MYT1L: variants seen among roughly 807,000 people sequenced by gnomAD.
The protein encoded by MYT1L is myelin transcription factor 1-like protein.
MYT1L carries 12 observed loss-of-function variants against 126.7 expected under a neutral mutation model. The observed-to-expected ratio is 0.09, with a 90% CI of 0.06 to 0.15. The LOEUF (loss-of-function observed/expected upper bound fraction) is 0.15. MYT1L is among the 10% of genes least tolerant of loss of function. The pLI is 1.00. For synonymous variants in MYT1L, 541 were observed against 604.2 expected (o/e 0.90, Z 1.53); for missense variants, 979 against 1,585.2 (o/e 0.62, Z 6.49).
intron 3 of MYT1L, among the ~76,000 whole-genome samples, chr2:2,072,820 G>A (rs1418442930): frequency 2.0e-5 from 3 of 152,148 alleles, no homozygotes; most frequent in Admixed American, 6.5e-5. Context: ...GCTGCTTGCT[G>A]CCCCTTTACC....
intron 4 of MYT1L, among the ~76,000 whole-genome samples, chr2:2,027,020 C>T (rs914509233): frequency 6.6e-6 from 1 of 152,168 alleles, no homozygotes; most frequent in Non-Finnish European, 1.5e-5. Context: ...CAGGCGGGGG[C>T]ACATCGGATC....
intron 3 of MYT1L, among the ~76,000 whole-genome samples, chr2:2,069,027 T>C (rs952921885): frequency 6.6e-6 from 1 of 152,020 alleles, no homozygotes; most frequent in Non-Finnish European, 1.5e-5. Flanking sequence ...AGTAAAACTT[T>C]TAGAAAAACA....
At chr2:2,275,689 T>G (rs772586293) in intron 2 of MYT1L, among the ~76,000 whole-genome samples, 1 of 152,196 alleles carries the variant, frequency 6.6e-6, no homozygotes, top group African/African-American at 2.4e-5. Context: ...CATTTCAATA[T>G]GTACCGTGAA....
intron 21 of MYT1L, among the ~76,000 whole-genome samples, chr2:1,823,753 T>A (rs1446473945): frequency 6.6e-6 from 1 of 152,102 alleles, no homozygotes; most frequent in Non-Finnish European, 1.5e-5. Flanking sequence ...TGAGGCTGGG[T>A]CCCTGTAGGA....
rs138900650 is a variant in MYT1L, at chr2:2,288,257, A to C, written c.-520-3754T>G. Among the ~76,000 whole-genome samples, 494 of 152,342 alleles carry C rather than the reference A, an allele frequency of 3.2e-3. 1 individual carries two copies. The highest frequency in any genetic ancestry group is 0.012 in the African/African-American group (479 of 41,570). On this transcript the variant is annotated intron_variant, in intron 1 of 24. Coordinates refer to ENST00000647738, the MANE Select transcript of MYT1L (RefSeq NM_001303052.2). ...ATACATCACTGGCCTAACGTCACTT[A>C]GTTTGTCAATAGTAGAGTTGGATTT...
chr2:1,948,111 T>C (rs1004766554), intron 8 of MYT1L, among the ~76,000 whole-genome samples: 1 of 152,212 alleles, frequency 6.6e-6, no homozygotes. Flanking sequence ...TGGTGGGAAC[T>C]TTCTGATGAA....
intron 3 of MYT1L, among the ~76,000 whole-genome samples, chr2:2,158,625 A>AC (rs1249952436): frequency 6.6e-6 from 1 of 151,234 alleles, no homozygotes; most frequent in African/African-American, 2.4e-5. Flanking sequence ...ATAAACACAC[A>AC]CACACACACA....
At chr2:2,239,687 T>C (rs748109643) in intron 2 of MYT1L, among the ~76,000 whole-genome samples, 3 of 152,180 alleles carry the variant, frequency 2.0e-5, no homozygotes, top group Non-Finnish European at 4.4e-5. Context: ...TCCAAAAATA[T>C]TTTCCTCTTT....
intron 14 of MYT1L, 81 bp downstream of exon 14, chr2:1,902,999 A>T (rs991778548): frequency 2.1e-4 from 288 of 1,342,106 alleles, no homozygotes; most frequent in Non-Finnish European, 2.9e-4. Flanking sequence ...CGCTCAACTA[A>T]TTTGTAGGAC....
rs558239114 is a variant in MYT1L at position 1,929,532 on chromosome 2, T to C, written c.506-6269A>G. Among the ~76,000 whole-genome samples the C allele has an allele frequency of 6.6e-6, 1 of 152,320 alleles. No individual in the cohort carries two copies. The highest frequency in any genetic ancestry group is 1.9e-4 in the East Asian group (1 of 5,182). On this transcript the variant is annotated intron_variant, in intron 9 of 24. Coordinates refer to ENST00000647738, the MANE Select transcript of MYT1L (RefSeq NM_001303052.2). The surrounding 1 kb of genome is among the most constrained non-coding windows in gnomAD (Gnocchi z 4.7). ...ATCACCGTCACGCTTCCCTACTACA[T>C]CTAACTCAGCAGTGCTTCTGTGTGT...
At chr2:1,955,281 G>A (rs986957506) in intron 8 of MYT1L, among the ~76,000 whole-genome samples, 1 of 151,712 alleles carries the variant, frequency 6.6e-6, no homozygotes, top group African/African-American at 2.4e-5. Context: ...TGATGTGGTT[G>A]GTAAGAAATT....
At chr2:1,792,967 C>G (rs2032501663) in intron 23 of MYT1L, among the ~76,000 whole-genome samples, 1 of 151,070 alleles carries the variant, frequency 6.6e-6, no homozygotes, top group Admixed American at 6.6e-5. Flanking sequence ...TTGCACTTGA[C>G]AACTGGGGAG....
intron 18 of MYT1L, among the ~76,000 whole-genome samples, chr2:1,874,489 G>A (rs888640876): frequency 1.3e-5 from 2 of 152,170 alleles, no homozygotes; most frequent in Non-Finnish European, 2.9e-5. Flanking sequence ...GCTGTGGGGA[G>A]GGCCGTGGAC....
chr2:1,949,385 A>G (rs2057533247), intron 8 of MYT1L, among the ~76,000 whole-genome samples: 1 of 152,090 alleles, frequency 6.6e-6, no homozygotes, highest in African/African-American at 2.4e-5. Context: ...ACCCCCTCCA[A>G]GCCAGCCTGG....
chr2:2,083,455 G>T (rs947657819), intron 3 of MYT1L, among the ~76,000 whole-genome samples: 3 of 152,232 alleles, frequency 2.0e-5, no homozygotes, highest in Admixed American at 2.0e-4. Flanking sequence ...ACACAGGCCT[G>T]CAGGGCCCAG....
intron 8 of MYT1L, among the ~76,000 whole-genome samples, chr2:1,952,872 TCCC>T: frequency 1.4e-5 from 1 of 71,186 alleles, no homozygotes; most frequent in African/African-American, 7.2e-5. Flanking sequence ...TTCTTTCCCT[TCCC>T]TCCTTCCTTC....
Position 1,793,612 on chromosome 2 carries a change from C to A in MYT1L, c.3277-1148G>T, listed in dbSNP as rs534565644. Among the ~76,000 whole-genome samples, 1 of 152,150 alleles carries A rather than the reference C, an allele frequency of 6.6e-6. No homozygotes were observed. The highest frequency in any genetic ancestry group is 6.5e-5 in the Admixed American group (1 of 15,280). Reference sequence around the variant, plus strand: ...CCAGTCACCAGCCTCAGGCCCAGACCCTCTGTTAGAAAACTGAAGCACCTC... The same window carrying A: ...CCAGTCACCAGCCTCAGGCCCAGACACTCTGTTAGAAAACTGAAGCACCTC... On this transcript the variant is annotated intron_variant, in intron 23 of 24. Transcript: ENST00000647738. The surrounding 1 kb of genome is among the most constrained non-coding windows in gnomAD (Gnocchi z 4.6).
chr2:1,900,397 T>A (rs1302645581), intron 14 of MYT1L, among the ~76,000 whole-genome samples: 2 of 152,072 alleles, frequency 1.3e-5, no homozygotes, highest in African/African-American at 4.8e-5. Context: ...CCTCCCGGGT[T>A]CATGCCATTC....
At chr2:2,324,835 G>A (rs1439937349) in intron 1 of MYT1L, 1 of 152,600 alleles carries the variant, frequency 6.6e-6, no homozygotes, top group African/African-American at 2.4e-5. Flanking sequence ...TAAGGTGGGA[G>A]GGAACTTCAC....
Sources: gnomAD v4.1 joint callset for allele counts (sites outside exome capture counted in the v4.1 genomes callset) on GRCh38, gnomAD v4.1.1 for gene constraint, Gnocchi (gnomAD v3.1) non-coding constraint, MANE v1.5 for transcripts, NCBI Gene and HGNC (gene_info 2026-07-23, HGNC 2026-07-21) for gene names.